PIP4P2: variants seen among roughly 807,000 people sequenced by gnomAD.
The protein encoded by PIP4P2 is type 2 phosphatidylinositol 4,5-bisphosphate 4-phosphatase.
In PIP4P2, 19 loss-of-function variants were observed where a neutral mutation model predicts 33.3. That is an observed-to-expected ratio of 0.57 (90% CI 0.40 to 0.84). The LOEUF is 0.84. Among genes scored for constraint, PIP4P2 ranks in the 40% least tolerant of loss-of-function variants. PIP4P2 has a pLI of 0.00. For synonymous variants in PIP4P2, 110 were observed against 111.9 expected, an observed-to-expected ratio of 0.98 and a Z score of 0.11; for missense variants, 270 against 324.7, an observed-to-expected ratio of 0.83 and a Z score of 1.29.
chr8:91,011,423 A>G (rs1458848866), intron 4 of PIP4P2, among the ~76,000 whole-genome samples: 1 of 152,040 alleles, frequency 6.6e-6, no homozygotes, highest in African/African-American at 2.4e-5. Context: ...AAGTCAATTC[A>G]TTCTTCTGGG....
At chr8:91,023,404 A>C (rs1334027904) in intron 1 of PIP4P2, among the ~76,000 whole-genome samples, 1 of 146,338 alleles carries the variant, frequency 6.8e-6, no homozygotes, top group Non-Finnish European at 1.5e-5. Flanking sequence ...ATATTGCTAC[A>C]CTACATAAAA....
At chr8:91,004,896 T>TA (rs1455789611) in intron 5 of PIP4P2, among the ~76,000 whole-genome samples, 1 of 152,160 alleles carries the variant, frequency 6.6e-6, no homozygotes, top group Non-Finnish European at 1.5e-5. Context: ...TATCTGGAGA[T>TA]AGCTGTTTTG....
intron 4 of PIP4P2, among the ~76,000 whole-genome samples, chr8:91,014,819 A>T (rs1388080585): frequency 6.6e-6 from 1 of 151,796 alleles, no homozygotes; most frequent in Non-Finnish European, 1.5e-5. Context: ...AGGTAATCAA[A>T]ATGTTAATTA....
intron 1 of PIP4P2, among the ~76,000 whole-genome samples, chr8:91,034,171 C>T (rs377695458): frequency 5.3e-5 from 8 of 152,252 alleles, no homozygotes; most frequent in East Asian, 1.9e-4. Flanking sequence ...GAAATTATAA[C>T]GCTTACTGTA....
rs1378975239 is a variant in PIP4P2, at chr8:91,021,257, G to A, written c.254C>T (p.Thr85Met). 23 of 1,612,966 alleles carry A rather than the reference G, an allele frequency of 1.4e-5. No homozygotes were observed. In the East Asian group the frequency reaches 2.5e-4, roughly 17 times the overall value. ...VVKCTVCNEA[T>M]PIKNPPTGKK... ...TTTCTAATGGAAATCTCCACTTACC[G>A]TAGCTTCATTGCAAACTGTGCACTT... The change falls in exon 2 of 7, where the codon ACG becomes ATG. Residue 85 changes from threonine (T) to methionine (M), a missense_variant and splice_region_variant. Transcript: ENST00000285419.
chr8:91,011,949 T>C (rs1289878745), intron 4 of PIP4P2, among the ~76,000 whole-genome samples: 3 of 151,974 alleles, frequency 2.0e-5, no homozygotes, highest in Non-Finnish European at 2.9e-5. Flanking sequence ...TTTTTAAGTA[T>C]AAATTTTTTA....
At chr8:91,010,682 T>G (rs956879789) in intron 4 of PIP4P2, among the ~76,000 whole-genome samples, 3 of 151,980 alleles carry the variant, frequency 2.0e-5, no homozygotes, top group African/African-American at 7.2e-5. Flanking sequence ...ATCCCAAACC[T>G]ATGCTTTGGA....
chr8:90,997,141 T>C (rs1405556156), intron 5 of PIP4P2, among the ~76,000 whole-genome samples: 3 of 151,934 alleles, frequency 2.0e-5, no homozygotes, highest in Non-Finnish European at 4.4e-5. Flanking sequence ...ATTTAGAAAG[T>C]AGAATAAAAA....
chr8:91,009,965 T>C lies in PIP4P2; in HGVS notation c.487-1170A>G, dbSNP rs150869143. 1.2e-4 allele frequency among the ~76,000 whole-genome samples: 18 copies of C among 152,004 alleles called. No individual in the cohort carries two copies. The East Asian group carries it at 3.1e-3, about 26-fold the overall frequency. Reference sequence around the variant, plus strand: ...AATGTTCACTCTCTTTACAAAATGATTATTTTTAAACATCTGCAAATGTCA... The same window carrying C: ...AATGTTCACTCTCTTTACAAAATGACTATTTTTAAACATCTGCAAATGTCA... On this transcript the variant is annotated intron_variant, in intron 4 of 6. Coordinates refer to ENST00000285419, the MANE Select transcript of PIP4P2 (RefSeq NM_018710.3).
At position 91,006,867 on chromosome 8, in the gene PIP4P2, G is replaced by T. The variant is rs1372331151; in HGVS notation, c.539+1876C>A. ...GCCTATAGTCCCAGCTACTTGGGAG[G>T]CTGAGGCAGGAGAATTGCTTGAACC... On this transcript the variant is annotated intron_variant, in intron 5 of 6. Transcript: ENST00000285419. Among the ~76,000 whole-genome samples, 2 of 152,212 alleles carry T rather than the reference G, an allele frequency of 1.3e-5. 1 individual carries two copies. Among genetic ancestry groups the T allele is most frequent in the African/African-American group, 4.8e-5 (2 of 41,454 alleles).
chr8:91,040,827 TCTGCTGCCGCTGCTGCCGCTGCAG>T lies in PIP4P2; in HGVS notation c.-102_-79del. 7.5e-7 allele frequency: 1 copy of T among 1,332,752 alleles called. No homozygotes were observed. Among genetic ancestry groups the T allele is most frequent in the African/African-American group, 1.5e-5 (1 of 67,116 alleles). The allele number at this position is 1,332,752 out of a possible 1,614,324, so 82.6% of individuals were successfully genotyped here. A position where few individuals can be genotyped will look rare whatever the true frequency, so the allele number is the denominator to read the frequency against. On this transcript the variant is annotated 5_prime_UTR_variant, in exon 1 of 7. Coordinates refer to ENST00000285419, the MANE Select transcript of PIP4P2 (RefSeq NM_018710.3). ...CGGAGTGGTGGCTACTGCTGCTGCC[TCTGCTGCCGCTGCTGCCGCTGCAG>T]CTGCTGCTGCTGCCGCCTCCGGGAG...
At chr8:91,019,656 C>T (rs1478164168) in intron 3 of PIP4P2, among the ~76,000 whole-genome samples, 2 of 152,006 alleles carry the variant, frequency 1.3e-5, no homozygotes, top group Non-Finnish European at 2.9e-5. Context: ...TCATTGAAGG[C>T]TTTAATCCCT....
intron 2 of PIP4P2, 26 bp downstream of exon 2, chr8:91,021,230 T>G: frequency 1.2e-6 from 2 of 1,610,672 alleles, no homozygotes; most frequent in South Asian, 1.1e-5. Context: ...CAATTTATAT[T>G]TTTTCTAATG....
intron 4 of PIP4P2, among the ~76,000 whole-genome samples, chr8:91,016,256 G>A (rs903738799): frequency 1.3e-5 from 2 of 151,794 alleles, no homozygotes; most frequent in African/African-American, 4.8e-5. Flanking sequence ...ATTAAGATGA[G>A]GAGATATAAT....
chr8:90,996,048 T>C (rs1811624514), intron 6 of PIP4P2, among the ~76,000 whole-genome samples: 1 of 152,128 alleles, frequency 6.6e-6, no homozygotes, highest in South Asian at 2.1e-4. Flanking sequence ...CTAAACTATA[T>C]TATCTCTACA....
intron 4 of PIP4P2, among the ~76,000 whole-genome samples, chr8:91,012,282 A>G (rs1207549847): frequency 6.6e-6 from 1 of 151,926 alleles, no homozygotes; most frequent in Non-Finnish European, 1.5e-5. Flanking sequence ...AATCATATTG[A>G]ACTTAGTGTA....
At chr8:91,028,212 A>T (rs920096137) in intron 1 of PIP4P2, among the ~76,000 whole-genome samples, 2 of 152,224 alleles carry the variant, frequency 1.3e-5, no homozygotes, top group African/African-American at 4.8e-5. Context: ...GCTTGGTTGT[A>T]TATCTTAGAA....
intron 1 of PIP4P2, among the ~76,000 whole-genome samples, chr8:91,026,571 C>T (rs777901177): frequency 6.6e-6 from 1 of 152,152 alleles, no homozygotes; most frequent in Non-Finnish European, 1.5e-5. Context: ...CTTCTTGCTA[C>T]CTCCTTGATA....
chr8:91,015,081 C>T (rs555251912), intron 4 of PIP4P2, among the ~76,000 whole-genome samples: 2 of 152,086 alleles, frequency 1.3e-5, no homozygotes, highest in African/African-American at 2.4e-5. Flanking sequence ...GAAGACGGCA[C>T]GAATAAAAAG....
Sources: gnomAD v4.1 joint callset for allele counts (sites outside exome capture counted in the v4.1 genomes callset) on GRCh38, gnomAD v4.1.1 for gene constraint, MANE v1.5 for transcripts, NCBI Gene and HGNC (gene_info 2026-07-23, HGNC 2026-07-21) for gene names.